The following IPO13 variants were observed in gnomAD, a reference collection of about 807,000 sequenced individuals.
IPO13 encodes the protein importin-13.
IPO13 carries 28 observed loss-of-function variants against 115.5 expected under a neutral mutation model. The ratio of observed to expected loss-of-function variants is 0.24; its 90% confidence interval spans 0.18 to 0.33. The LOEUF is 0.33. Among genes scored for constraint, IPO13 ranks in the 10% least tolerant of loss-of-function variants. IPO13 has a pLI of 1.00. For missense variants in IPO13, 785 were observed against 1,204.6 expected (o/e 0.65, Z 5.16); for synonymous variants, 414 against 478.9 (o/e 0.86, Z 1.77).
chr1:43,947,282 C>T lies in IPO13; in HGVS notation c.-319C>T, dbSNP rs2085173559. ...TCGGTTTCCCCCGCAGGCCTCCCTC[C>T]CCTGTGACTCCCTCCACACAGATTC... On this transcript the variant is annotated 5_prime_UTR_variant, in exon 1 of 20. Coordinates refer to ENST00000372343, the MANE Select transcript of IPO13 (RefSeq NM_014652.4). 1.0e-5 allele frequency: 4 copies of T among 399,082 alleles called. No individual in the cohort carries two copies. In the East Asian group the frequency reaches 1.4e-4, roughly 14 times the overall value. The allele number at this position is 399,082 out of a possible 1,614,324, so 24.7% of individuals were successfully genotyped here.
At chr1:43,949,253 C>A in intron 1 of IPO13, 164 bp from the exon 2 acceptor site, 1 of 653,484 alleles carries the variant, frequency 1.5e-6, no homozygotes, top group Non-Finnish European at 2.6e-6. Context: ...AAGATATCAG[C>A]AGGACCCCAG....
chr1:43,956,373 A>G lies in IPO13; in HGVS notation c.875A>G (p.Gln292Arg). The G allele has an allele frequency of 1.2e-6, 2 of 1,614,208 alleles. No homozygotes were observed. The highest frequency in any genetic ancestry group is 1.7e-6 in the Non-Finnish European group (2 of 1,180,036). Residue 292 changes from glutamine (Q) to arginine (R), a missense_variant, in exon 3 of 20, where the codon CAA becomes CGA. Around this residue, in one of 3 missense-constraint regions of IPO13, gnomAD observed 325 missense variants for 449.8 expected, o/e 0.72. Transcript: ENST00000372343. This position sits in a 1 kb window ranked among gnomAD's most constrained non-coding sequence, Gnocchi z 4.7. ...CCGCTGGTGCTGGGTCTGCAGGAACAACTGCGGCAGGCAGTGCAGAATGGG... is the reference window on the plus strand; with the variant it reads ...CCGCTGGTGCTGGGTCTGCAGGAACGACTGCGGCAGGCAGTGCAGAATGGG... ...LIPLVLGLQE[Q>R]LRQAVQNGDM...
chr1:43,961,110 G>T, intron 13 of IPO13, 56 bp from the exon 14 acceptor site: 1 of 1,606,578 alleles, frequency 6.2e-7, no homozygotes, highest in Non-Finnish European at 8.5e-7. Flanking sequence ...CAGGGATATT[G>T]CCATGTCCTG....
chr1:43,947,156 C>T lies in IPO13; in HGVS notation c.-445C>T. 1 of 398,926 alleles carries T rather than the reference C, an allele frequency of 2.5e-6. No individual in the cohort carries two copies. Among genetic ancestry groups the T allele is most frequent in the Non-Finnish European group, 4.4e-6 (1 of 226,290 alleles). The allele number at this position is 398,926 out of a possible 1,614,324, so 24.7% of individuals were successfully genotyped here. A position where few individuals can be genotyped will look rare whatever the true frequency, so the allele number is the denominator to read the frequency against. On this transcript the variant is annotated 5_prime_UTR_variant, in exon 1 of 20. Coordinates refer to ENST00000372343, the MANE Select transcript of IPO13 (RefSeq NM_014652.4). Reference sequence around the variant, plus strand: ...CGAAGGGCTCTCTCTCTCCCGTGACCCTCCAGCCCCATGACCTGTTCATAG... The same window carrying T: ...CGAAGGGCTCTCTCTCTCCCGTGACTCTCCAGCCCCATGACCTGTTCATAG...
Position 43,947,483 on chromosome 1 carries a change from C to G in IPO13, c.-118C>G, listed in dbSNP as rs1411861224. 3.8e-6 allele frequency: 2 copies of G among 526,690 alleles called. No homozygotes were observed. Among genetic ancestry groups the G allele is most frequent in the African/African-American group, 2.0e-5 (1 of 51,006 alleles). 32.6% of individuals were successfully genotyped at this position (526,690 alleles called of 1,614,324 possible). The stretch of plus-strand genomic sequence containing the variant: ...TCGGCAGCCATGCCCGCCCTGGGCC[C>G]CCCCTCACCCCACCACTCCCTGGGC... On this transcript the variant is annotated 5_prime_UTR_variant, in exon 1 of 20. Coordinates refer to ENST00000372343, the MANE Select transcript of IPO13 (RefSeq NM_014652.4).
Position 43,950,083 on chromosome 1 carries a change from C to A in IPO13, c.751C>A (p.Gln251Lys). The change falls in exon 2 of 20, where the codon CAG (glutamine) becomes AAG (lysine). Residue 251 changes from glutamine (Q) to lysine (K), a missense_variant. This residue lies in a region of IPO13 where 325 missense variants were observed against 449.8 expected (regional missense o/e 0.72). Transcript: ENST00000372343. The stretch of plus-strand genomic sequence containing the variant: ...CATTCAGGCTGCCTTTGCTGCTCTG[C>A]AGGACTCGGAGCTCTTCGACAGCAG... Reference protein sequence around the residue: ...ALIQAAFAALQDSELFDSSVE... With the variant: ...ALIQAAFAALKDSELFDSSVE... The A allele has an allele frequency of 6.2e-7, 1 of 1,613,918 alleles. No homozygotes were observed. The highest frequency in any genetic ancestry group is 8.5e-7 in the Non-Finnish European group (1 of 1,180,022).
intron 13 of IPO13, 66 bp downstream of exon 13, chr1:43,961,079 C>T (rs2085286560): frequency 1.3e-5 from 21 of 1,609,760 alleles, no homozygotes; most frequent in Non-Finnish European, 1.6e-5. Flanking sequence ...GCTGCCGTGG[C>T]TGGGGTCCCC....
Position 43,967,888 on chromosome 1 carries a change from A to G in IPO13, c.*206A>G. On this transcript the variant is annotated 3_prime_UTR_variant, in exon 20 of 20. Transcript: ENST00000372343. This position sits in a 1 kb window ranked among gnomAD's most constrained non-coding sequence, Gnocchi z 6.1. ...ATGGTGGGAACATCCTCTAGCTCCC[A>G]GGTTGGAAGAGATACTACTGTAGCC... 1.6e-6 allele frequency: 1 copy of G among 606,212 alleles called. No homozygotes were observed. The highest frequency in any genetic ancestry group is 2.9e-6 in the Non-Finnish European group (1 of 340,618). 37.6% of individuals were successfully genotyped at this position (606,212 alleles called of 1,614,324 possible).
chr1:43,950,416 TCCC>T (rs142021015), intron 2 of IPO13, among the ~76,000 whole-genome samples: 5,142 of 152,246 alleles, frequency 0.034, 323 homozygotes, highest in African/African-American at 0.12. Flanking sequence ...TCCTGGCTGT[TCCC>T]CTCCTGACCA....
Position 43,947,199 on chromosome 1 carries a change from A to G in IPO13, c.-402A>G, listed in dbSNP as rs1202908988. ...GTTCATAGCAGCCGAGAGCTCACCCAGGCGGGGGTGTTGTGGGTACAGGCC... is the reference window on the plus strand; with the variant it reads ...GTTCATAGCAGCCGAGAGCTCACCCGGGCGGGGGTGTTGTGGGTACAGGCC... On this transcript the variant is annotated 5_prime_UTR_variant, in exon 1 of 20. Transcript: ENST00000372343. 2 of 398,678 alleles carry G rather than the reference A, an allele frequency of 5.0e-6. No homozygotes were observed. Among genetic ancestry groups the G allele is most frequent in the Non-Finnish European group, 8.8e-6 (2 of 226,180 alleles). The allele number at this position is 398,678 out of a possible 1,614,324, so 24.7% of individuals were successfully genotyped here.
intron 14 of IPO13, 52 bp from the exon 15 acceptor site, chr1:43,964,217 G>C (rs2085307624): frequency 8.0e-7 from 1 of 1,252,204 alleles, no homozygotes; most frequent in East Asian, 2.3e-5. Flanking sequence ...ATATGAGGTT[G>C]AGTTGCTGTT....
rs1452935754 is a variant in IPO13, at chr1:43,958,401, T to C, written c.1750-60T>C. 131 of 1,612,074 alleles carry C rather than the reference T, an allele frequency of 8.1e-5. No homozygotes were observed. The highest frequency in any genetic ancestry group is 1.8e-5 in the Non-Finnish European group (21 of 1,179,082). On this transcript the variant is annotated intron_variant, in intron 9 of 19. Transcript: ENST00000372343. The surrounding 1 kb of genome is among the most constrained non-coding windows in gnomAD (Gnocchi z 6.3). ...TTTTTCTTCTCCCAAGAGGCTCATT[T>C]TCCTTCCTACCCCACAACTAGATGT...
At position 43,964,786 on chromosome 1, in the gene IPO13, G is replaced by A. The variant is rs139168929; in HGVS notation, c.2397+465G>A. Reference sequence around the variant, plus strand: ...AGCGAGGGGCTGAAGAGGAATGTGCGCGGTGGAGCCCAGAGTTGGGCTGTT... The same window carrying A: ...AGCGAGGGGCTGAAGAGGAATGTGCACGGTGGAGCCCAGAGTTGGGCTGTT... On this transcript the variant is annotated intron_variant, in intron 15 of 19. Transcript: ENST00000372343. Among the ~76,000 whole-genome samples the A allele has an allele frequency of 2.2e-3, 328 of 152,348 alleles. 2 individuals carry two copies. The highest frequency in any genetic ancestry group is 1.9e-3 in the Non-Finnish European group (131 of 68,036).
intron 14 of IPO13, 141 bp from the exon 15 acceptor site, chr1:43,964,128 G>A: frequency 1.6e-6 from 1 of 622,750 alleles, no homozygotes; most frequent in Non-Finnish European, 2.8e-6. Flanking sequence ...GTTTTTGTAT[G>A]TTTTGTTTCT....
rs1366630282 is a variant in IPO13 at position 43,946,957 on chromosome 1, T to C, written c.-644T>C. On this transcript the variant is annotated 5_prime_UTR_variant, in exon 1 of 20. Transcript: ENST00000372343. ...CCCGTCCCGGCCGGCCTGGCTTGTC[T>C]TGTCAGTCACTGGGGCGGAGGCAGC... 7.5e-6 allele frequency: 3 copies of C among 398,072 alleles called. No individual in the cohort carries two copies. Among genetic ancestry groups the C allele is most frequent in the Admixed American group, 8.8e-5 (2 of 22,720 alleles). 24.7% of individuals were successfully genotyped at this position (398,072 alleles called of 1,614,324 possible). A position where few individuals can be genotyped will look rare whatever the true frequency, so the allele number is the denominator to read the frequency against.
intron 7 of IPO13, 149 bp downstream of exon 7, chr1:43,957,698 C>G: frequency 9.7e-7 from 1 of 1,028,108 alleles, no homozygotes; most frequent in Non-Finnish European, 1.4e-6. Context: ...CCTGGCAGGT[C>G]TAGGGGGTCC....
intron 2 of IPO13, among the ~76,000 whole-genome samples, chr1:43,955,452 T>A (rs2085237939): frequency 6.6e-6 from 1 of 152,156 alleles, no homozygotes; most frequent in Non-Finnish European, 1.5e-5. Flanking sequence ...AAGTCTGAAA[T>A]CAAGGTGTTG....
At chr1:43,957,352 C>T (rs1267518373) in intron 6 of IPO13, 37 bp downstream of exon 6, 2 of 1,613,382 alleles carry the variant, frequency 1.2e-6, no homozygotes, top group African/African-American at 2.7e-5. Context: ...CCTTCCCAGA[C>T]CTGTCACACC....
Position 43,958,205 on chromosome 1 carries a change from A to G in IPO13, c.1723-37A>G, listed in dbSNP as rs1358487585. 6 of 1,613,882 alleles carry G rather than the reference A, an allele frequency of 3.7e-6. No homozygotes were observed. In the African/African-American group the frequency reaches 6.7e-5, roughly 18 times the overall value. On this transcript the variant is annotated intron_variant, in intron 8 of 19. Coordinates refer to ENST00000372343, the MANE Select transcript of IPO13 (RefSeq NM_014652.4). This position sits in a 1 kb window ranked among gnomAD's most constrained non-coding sequence, Gnocchi z 6.3. ...TGCTGGGCCTCAGAGCACACTCTGC[A>G]CTGTGCTGATACTACATTCCTTCTT... is the stretch of plus-strand genomic sequence containing the variant.
Sources: gnomAD v4.1 joint callset for allele counts (sites outside exome capture counted in the v4.1 genomes callset) on GRCh38, gnomAD v4.1.1 for gene constraint, gnomAD v4.1.1 regional missense constraint, Gnocchi (gnomAD v3.1) non-coding constraint, MANE v1.5 for transcripts, NCBI Gene and HGNC (gene_info 2026-07-23, HGNC 2026-07-21) for gene names.